LMO7: variants seen among roughly 807,000 people sequenced by gnomAD.
LMO7 encodes the protein LIM domain 7, also known as LIM domain only protein 7.
A neutral mutation model predicts 206.5 loss-of-function variants in LMO7; 120 were observed. The ratio of observed to expected loss-of-function variants is 0.58; its 90% CI spans 0.50 to 0.68. The LOEUF is 0.68. Among genes scored for constraint, LMO7 ranks in the 30% least tolerant of loss-of-function variants. The probability of loss-of-function intolerance (pLI) is 0.00; values close to 1 mark genes in which losing one functional copy is unlikely to be tolerated. For synonymous variants in LMO7, 706 were observed against 681.5 expected, an observed-to-expected ratio of 1.04 and a Z score of -0.56; for missense variants, 1,959 against 1,957.9, an observed-to-expected ratio of 1.00 and a Z score of -0.01.
chr13:75,734,384 A>G (rs969428108), intron 3 of LMO7, among the ~76,000 whole-genome samples: 1 of 152,234 alleles, frequency 6.6e-6, no homozygotes, highest in Non-Finnish European at 1.5e-5. Flanking sequence ...TGTTAAGTCA[A>G]CTTCAGAAAA....
intron 3 of LMO7, among the ~76,000 whole-genome samples, chr13:75,729,946 A>G (rs551378020): frequency 2.0e-5 from 3 of 151,546 alleles, no homozygotes; most frequent in Non-Finnish European, 2.9e-5. Flanking sequence ...ATTTGCATAT[A>G]TTGAACCAGC....
At chr13:75,837,883 G>A (rs73227998) in intron 19 of LMO7, among the ~76,000 whole-genome samples, 1,684 of 152,158 alleles carry the variant, frequency 0.011, 19 homozygotes, top group Non-Finnish European at 0.015. Context: ...GCTTTTCATA[G>A]CTGTGAAACT....
chr13:75,812,170 A>T (rs1271049041), intron 11 of LMO7, among the ~76,000 whole-genome samples: 3 of 152,170 alleles, frequency 2.0e-5, no homozygotes, highest in Non-Finnish European at 4.4e-5. Context: ...AATGTCCTAC[A>T]GTACACAGGA....
chr13:75,832,926 C>A, intron 15 of LMO7, 125 bp from the exon 16 acceptor site: 1 of 548,210 alleles, frequency 1.8e-6, no homozygotes, highest in South Asian at 3.1e-5. Context: ...AAGAATGAAG[C>A]TTCTAGTTTA....
chr13:75,804,205 G>C, intron 7 of LMO7, 84 bp from the exon 8 acceptor site: 1 of 1,408,418 alleles, frequency 7.1e-7, no homozygotes, highest in Admixed American at 2.0e-5. Flanking sequence ...GTTTCTAAGG[G>C]AAAGACAAAG....
At chr13:75,760,535 C>T (rs2139676941) in intron 3 of LMO7, 1 of 1,286,048 alleles carries the variant, frequency 7.8e-7, no homozygotes. Context: ...ATGTCAGTAG[C>T]TGGAGTTATT....
intron 18 of LMO7, among the ~76,000 whole-genome samples, chr13:75,836,002 A>T (rs1302301915): frequency 1.3e-5 from 2 of 152,286 alleles, no homozygotes; most frequent in East Asian, 1.9e-4. Context: ...TTGTGTTATC[A>T]TCTCAAGGTA....
At chr13:75,628,726 G>A (rs893435902) in intron 2 of LMO7, among the ~76,000 whole-genome samples, 17 of 152,108 alleles carry the variant, frequency 1.1e-4, no homozygotes, top group Non-Finnish European at 2.4e-4. Context: ...AGAACTCCCA[G>A]TATATCTGTT....
chr13:75,733,128 G>C (rs1265818462), intron 3 of LMO7, among the ~76,000 whole-genome samples: 3 of 152,216 alleles, frequency 2.0e-5, no homozygotes, highest in Non-Finnish European at 4.4e-5. Context: ...CCAGCTGCGT[G>C]CTGGGAGAAC....
chr13:75,752,469 A>T (rs901121948), intron 3 of LMO7, among the ~76,000 whole-genome samples: 1 of 152,152 alleles, frequency 6.6e-6, no homozygotes, highest in African/African-American at 2.4e-5. Flanking sequence ...CATGGGGCAC[A>T]AGTACAATTT....
At chr13:75,852,090 GC>G (rs2060543680) in intron 27 of LMO7, among the ~76,000 whole-genome samples, 1 of 152,132 alleles carries the variant, frequency 6.6e-6, no homozygotes. Context: ...CTTTATATTT[GC>G]TATGTCTAAA....
intron 3 of LMO7, among the ~76,000 whole-genome samples, chr13:75,738,953 C>T (rs1447155931): frequency 6.6e-6 from 1 of 152,170 alleles, no homozygotes; most frequent in Non-Finnish European, 1.5e-5. Flanking sequence ...ACACTTTGGC[C>T]AGATAATTCT....
At position 75,823,733 on chromosome 13, in the gene LMO7, C is replaced by T; in HGVS notation, c.2809C>T (p.Pro937Ser). The change falls in exon 15 of 31, where the codon CCT becomes TCT. Residue 937 changes from proline to serine, a missense_variant. Pro to Ser is a moderately conservative substitution (Grantham distance 74). Transcript: ENST00000377534. ...AGAAGATGTGACAAGGCTGCCCTCT[C>T]CTACATCCCCCTTCTCATCTCTTTC... ...TEEDVTRLPS[P>S]TSPFSSLSQD... 1.2e-6 allele frequency: 2 copies of T among 1,614,152 alleles called. No homozygotes were observed. The highest frequency in any genetic ancestry group is 1.3e-5 in the African/African-American group (1 of 75,048).
intron 2 of LMO7, among the ~76,000 whole-genome samples, chr13:75,626,213 G>C (rs913295220): frequency 6.6e-6 from 1 of 152,036 alleles, no homozygotes; most frequent in African/African-American, 2.4e-5. Flanking sequence ...GTATTAGTCC[G>C]TTTTCACACT....
intron 15 of LMO7, among the ~76,000 whole-genome samples, chr13:75,827,408 A>G (rs1276274447): frequency 6.6e-6 from 1 of 152,252 alleles, no homozygotes; most frequent in East Asian, 1.9e-4. Context: ...GGTGTGTGCC[A>G]TAAAGTAGAA....
At chr13:75,650,560 G>A (rs1410435639) in intron 1 of LMO7, among the ~76,000 whole-genome samples, 1 of 152,088 alleles carries the variant, frequency 6.6e-6, no homozygotes, top group East Asian at 1.9e-4. Flanking sequence ...TGACTGAAAT[G>A]TTTTATATTG....
intron 15 of LMO7, among the ~76,000 whole-genome samples, chr13:75,831,256 A>C (rs1007129577): frequency 1.3e-5 from 2 of 152,226 alleles, no homozygotes; most frequent in Admixed American, 1.3e-4. Context: ...CCACTGAGAT[A>C]TAAACAATTA....
Position 75,845,327 on chromosome 13 carries a change from GAATA to G in LMO7, c.4102_4105del (p.Lys1368ProfsTer21). On this transcript the variant is annotated frameshift_variant and splice_region_variant, in exon 26 of 31. Coordinates refer to ENST00000377534, the MANE Select transcript of LMO7 (RefSeq NM_001306080.2). LOFTEE classifies it high-confidence loss of function. ...TAATATATTGTGTTCTGTGTTTTAG[GAATA>G]AATCCAGATCTACTACTGAACTGGA... 6.6e-7 allele frequency: 1 copy of G among 1,510,076 alleles called. No homozygotes were observed. Among genetic ancestry groups the G allele is most frequent in the Non-Finnish European group, 9.2e-7 (1 of 1,091,570 alleles). The allele number at this position is 1,510,076 out of a possible 1,614,324, so 93.5% of individuals were successfully genotyped here.
chr13:75,773,933 T>C lies in LMO7; in HGVS notation c.317+12895T>C, dbSNP rs764669018. On this transcript the variant is annotated intron_variant, in intron 4 of 30. Coordinates refer to ENST00000377534, the MANE Select transcript of LMO7 (RefSeq NM_001306080.2). ...GAGCACTTCCTGGTGTTGCTTTTTTTTTGTTTTGTTTTGTTTTTTGCCTAT... is the reference window on the plus strand; with the variant it reads ...GAGCACTTCCTGGTGTTGCTTTTTTCTTGTTTTGTTTTGTTTTTTGCCTAT... 3.9e-5 allele frequency among the ~76,000 whole-genome samples: 6 copies of C among 152,228 alleles called. No homozygotes were observed. The East Asian group carries it at 9.7e-4, about 24-fold the overall frequency.
Sources: gnomAD v4.1 joint callset for allele counts (sites outside exome capture counted in the v4.1 genomes callset) on GRCh38, gnomAD v4.1.1 for gene constraint, MANE v1.5 for transcripts, NCBI Gene and HGNC (gene_info 2026-07-23, HGNC 2026-07-21) for gene names.